Variants in HSD3B7 observed in about 807,000 individuals in gnomAD.
HSD3B7 encodes hydroxy-delta-5-steroid dehydrogenase, 3 beta- and steroid delta-isomerase 7, also known as 3 beta-hydroxysteroid dehydrogenase type 7.
In HSD3B7, 35 loss-of-function variants were observed where a neutral mutation model predicts 34.3. The ratio of observed to expected loss-of-function variants is 1.02; its 90% CI spans 0.78 to 1.35. The LOEUF is 1.35. HSD3B7 is among the 40% of genes most tolerant of loss of function. HSD3B7 has a pLI of 0.00. For missense variants in HSD3B7, 426 were observed against 504.7 expected (o/e 0.84, Z 1.49); for synonymous variants, 217 against 220.1 (o/e 0.99, Z 0.13).
chr16:30,985,375 C>T, intron 1 of HSD3B7, 78 bp downstream of exon 1: 1 of 1,338,006 alleles, frequency 7.5e-7, no homozygotes, highest in South Asian at 1.5e-5. Flanking sequence ...ACCTTCCCTC[C>T]ACCTCCCTCA....
At chr16:30,987,066 G>A in intron 6 of HSD3B7, 64 bp downstream of exon 6, 4 of 1,540,166 alleles carry the variant, frequency 2.6e-6, no homozygotes, top group South Asian at 1.2e-5. Flanking sequence ...CTAGAAGGGG[G>A]CAGGACCCAC....
At position 30,985,316 on chromosome 16, in the gene HSD3B7, A is replaced by C; in HGVS notation, c.-7+19A>C. On this transcript the variant is annotated intron_variant, in intron 1 of 6. Transcript: ENST00000297679. ...GCTGCAGGTAGGCAGAGGCGCTGCCAGTGCCCAGGTGGCCTTTCCCTCCAT... is the reference window on the plus strand; with the variant it reads ...GCTGCAGGTAGGCAGAGGCGCTGCCCGTGCCCAGGTGGCCTTTCCCTCCAT... 1 of 1,221,156 alleles carries C rather than the reference A, an allele frequency of 8.2e-7. No individual in the cohort carries two copies. The highest frequency in any genetic ancestry group is 1.0e-6 in the Non-Finnish European group (1 of 964,456). 75.6% of individuals were successfully genotyped at this position (1,221,156 alleles called of 1,614,324 possible).
At position 30,987,834 on chromosome 16, in the gene HSD3B7, GC is replaced by G; in HGVS notation, c.763del (p.Gln255ArgfsTer65). 1.2e-6 allele frequency: 2 copies of G among 1,613,442 alleles called. No homozygotes were observed. The highest frequency in any genetic ancestry group is 1.7e-6 in the Non-Finnish European group (2 of 1,179,980). ...ELEQRATLMG[G>X]QVYFCYDGSP... ...GAGCAGCGGGCAACCCTGATGGGCG[GC>G]CAGGTATACTTCTGCTACGATGGAT... is the stretch of plus-strand genomic sequence containing the variant. On this transcript the variant is annotated frameshift_variant, in exon 7 of 7. Transcript: ENST00000297679. LOFTEE classifies it high-confidence loss of function.
chr16:30,987,446 C>G, intron 6 of HSD3B7: 1 of 457,010 alleles, frequency 2.2e-6, no homozygotes, highest in Admixed American at 3.4e-5. Flanking sequence ...GACCCTGTCT[C>G]TAAAACTTTT....
In HSD3B7 at chr16:30,986,665, C is replaced by T. The variant is rs1477638829; in HGVS notation, c.492C>T (p.Ala164=). 1.2e-6 allele frequency: 2 copies of T among 1,614,072 alleles called. No homozygotes were observed. Among genetic ancestry groups the T allele is most frequent in the African/African-American group, 1.3e-5 (1 of 74,944 alleles). ...GGCACCCCTATCCTTGCAGCAAGGC[C>T]CTGGCCGAGTGGCTGGTCCTGGAGG... ...VHRHPYPCSK[A]LAEWLVLEAN... The change falls in exon 5 of 7, where the codon GCC becomes GCT. Residue 164 remains alanine (A), a synonymous_variant. Transcript: ENST00000297679.
intron 6 of HSD3B7, chr16:30,987,534 C>A: frequency 1.7e-6 from 1 of 598,720 alleles, no homozygotes; most frequent in Admixed American, 2.9e-5. Flanking sequence ...TCTCAGGGCC[C>A]ACCACGCAGG....
In HSD3B7 at chr16:30,988,406, C is replaced by G; in HGVS notation, c.*223C>G. On this transcript the variant is annotated 3_prime_UTR_variant, in exon 7 of 7. Transcript: ENST00000297679. ...GGAGTGCAGTGGTGTGATCATAGCT[C>G]ACTGCACCCTCAACCTCCTGGGTTC... 7.3e-6 allele frequency: 4 copies of G among 551,340 alleles called. No homozygotes were observed. In the East Asian group the frequency reaches 1.2e-4, roughly 17 times the overall value. 34.2% of individuals were successfully genotyped at this position (551,340 alleles called of 1,614,324 possible). A position where few individuals can be genotyped will look rare whatever the true frequency, so the allele number is the denominator to read the frequency against.
Position 30,987,003 on chromosome 16 carries a change from G to T in HSD3B7, c.694+1G>T. ...GTGGAGCATGGCCGGGTCTATGTGG[G>T]TGAGGACTGGGCTAGGCAGGGGGAG... On this transcript the variant is annotated splice_donor_variant, in intron 6 of 6. Coordinates refer to ENST00000297679, the MANE Select transcript of HSD3B7 (RefSeq NM_025193.4). LOFTEE classifies it high-confidence loss of function. The T allele has an allele frequency of 6.2e-7, 1 of 1,609,566 alleles. No individual in the cohort carries two copies. The highest frequency in any genetic ancestry group is 1.3e-5 in the African/African-American group (1 of 75,008).
At chr16:30,985,922 G>A in intron 2 of HSD3B7, 98 bp downstream of exon 2, 1 of 1,580,716 alleles carries the variant, frequency 6.3e-7, no homozygotes. Flanking sequence ...AGATGATGCT[G>A]GTTTCTGTCC....
rs1321076946 is a variant in HSD3B7 at position 30,988,470 on chromosome 16, C to A, written c.*287C>A. On this transcript the variant is annotated 3_prime_UTR_variant, in exon 7 of 7. Transcript: ENST00000297679. ...GCCTCAGCCTCCTGAACAGCTGGGA[C>A]CACAGGTGCACGCCACCACACCTGG... is the stretch of plus-strand genomic sequence containing the variant. 1 of 410,120 alleles carries A rather than the reference C, an allele frequency of 2.4e-6. No individual in the cohort carries two copies. Among genetic ancestry groups the A allele is most frequent in the African/African-American group, 2.0e-5 (1 of 50,208 alleles). The allele number at this position is 410,120 out of a possible 1,614,324, so 25.4% of individuals were successfully genotyped here.
intron 1 of HSD3B7, 142 bp downstream of exon 1, chr16:30,985,439 G>A: frequency 6.9e-7 from 1 of 1,449,954 alleles, no homozygotes; most frequent in Non-Finnish European, 9.1e-7. Flanking sequence ...CCTAAACCCT[G>A]ACCCCTTCCT....
chr16:30,985,972 C>T (rs1396276657), intron 2 of HSD3B7, 77 bp from the exon 3 acceptor site: 2 of 1,585,440 alleles, frequency 1.3e-6, no homozygotes, highest in Non-Finnish European at 1.7e-6. Flanking sequence ...GAACGTGACT[C>T]CAGGGTGGAA....
chr16:30,988,193 TG>T lies in HSD3B7; in HGVS notation c.*14del, dbSNP rs761402161. 1 of 1,584,864 alleles carries T rather than the reference TG, an allele frequency of 6.3e-7. No individual in the cohort carries two copies. The highest frequency in any genetic ancestry group is 8.5e-7 in the Non-Finnish European group (1 of 1,171,148). The stretch of plus-strand genomic sequence containing the variant: ...GGGTTCAGCCCAGTGACGGTGGGGC[TG>T]GGGCCTGGAGGCCCAGATACAGCAC... On this transcript the variant is annotated 3_prime_UTR_variant, in exon 7 of 7. Transcript: ENST00000297679.
rs766340821 is a variant in HSD3B7 at position 30,987,750 on chromosome 16, C to G, written c.695-18C>G. 13 of 1,609,134 alleles carry G rather than the reference C, an allele frequency of 8.1e-6. No homozygotes were observed. Among genetic ancestry groups the G allele is most frequent in the Non-Finnish European group, 1.1e-5 (13 of 1,179,958 alleles). On this transcript the variant is annotated intron_variant, in intron 6 of 6. Coordinates refer to ENST00000297679, the MANE Select transcript of HSD3B7 (RefSeq NM_025193.4). ...AGGGCACTCAGGGGTGTGTCCGCCT[C>G]TCTTCCGCCACCGGCAGGCAATGTT...
Position 30,986,842 on chromosome 16 carries a change from C to A in HSD3B7, c.534C>A (p.Val178=), listed in dbSNP as rs1310031906. The A allele has an allele frequency of 5.0e-6, 8 of 1,614,018 alleles. No individual in the cohort carries two copies. Among genetic ancestry groups the A allele is most frequent in the East Asian group, 2.2e-5 (1 of 44,894 alleles). Residue 178 remains valine, a splice_region_variant and synonymous_variant, in exon 6 of 7, where the codon GTC becomes GTA. Transcript: ENST00000297679. ...WLVLEANGRK[V]RGGLPLVTCA... is the part of the protein sequence containing the mutation. ...GCAGTACCTGCCTTTGCCACCAGGTCCGTGGGGGGCTGCCCCTGGTGACGT... is the reference window on the plus strand; with the variant it reads ...GCAGTACCTGCCTTTGCCACCAGGTACGTGGGGGGCTGCCCCTGGTGACGT...
rs1567370839 is a variant in HSD3B7 at position 30,986,180 on chromosome 16, A to T, written c.298A>T (p.Thr100Ser). Reference sequence around the variant, plus strand: ...CGTGTTTGGCAGGGCCAGTCCCAAGACCATCCATGAGGTCAACGTGCAGGG... The same window carrying T: ...CGTGTTTGGCAGGGCCAGTCCCAAGTCCATCCATGAGGTCAACGTGCAGGG... ...VDVFGRASPKTIHEVNVQGTR... is the reference protein window; with the variant it reads ...VDVFGRASPKSIHEVNVQGTR... The change falls in exon 3 of 7, where the codon ACC becomes TCC. Residue 100 changes from threonine to serine, a missense_variant. Transcript: ENST00000297679. The T allele has an allele frequency of 3.1e-6, 5 of 1,613,938 alleles. No individual in the cohort carries two copies. Among genetic ancestry groups the T allele is most frequent in the Non-Finnish European group, 4.2e-6 (5 of 1,179,964 alleles).
chr16:30,986,300 C>T, intron 3 of HSD3B7, 96 bp downstream of exon 3: 1 of 1,559,550 alleles, frequency 6.4e-7, no homozygotes, highest in African/African-American at 1.4e-5. Context: ...ACAAGTTGTC[C>T]TATTGACAGC....
chr16:30,986,831 T>C lies in HSD3B7; in HGVS notation c.532-9T>C, dbSNP rs200458768. ...CCCAGGTCTCAGCAGTACCTGCCTT[T>C]GCCACCAGGTCCGTGGGGGGCTGCC... On this transcript the variant is annotated splice_polypyrimidine_tract_variant and intron_variant, in intron 5 of 6. Coordinates refer to ENST00000297679, the MANE Select transcript of HSD3B7 (RefSeq NM_025193.4). 0.024 allele frequency: 39,170 copies of C among 1,613,980 alleles called. 8,237 individuals carry two copies. The South Asian group carries it at 0.4, about 17-fold the overall frequency.
chr16:30,987,282 T>C (rs930200268), intron 6 of HSD3B7: 1 of 499,738 alleles, frequency 2.0e-6, no homozygotes, highest in African/African-American at 1.9e-5. Context: ...AGGGACAGTG[T>C]GTACACAGCA....
Sources: gnomAD v4.1 joint callset for allele counts on GRCh38, gnomAD v4.1.1 for gene constraint, MANE v1.5 for transcripts, NCBI Gene and HGNC (gene_info 2026-07-23, HGNC 2026-07-21) for gene names.